Variants in ANXA4 observed in about 807,000 individuals in gnomAD.
ANXA4 encodes 35-beta calcimedin.
In ANXA4, 39 loss-of-function variants were observed where a neutral mutation model predicts 49.8. The ratio of observed to expected loss-of-function variants is 0.78; its 90% confidence interval spans 0.61 to 1.02. The LOEUF (loss-of-function observed/expected upper bound fraction) is 1.02. ANXA4 is among the 50% of genes least tolerant of loss of function. The pLI, the probability that ANXA4 is intolerant of heterozygous loss-of-function variation, is 0.00. For missense variants in ANXA4, 360 were observed against 410.1 expected (o/e 0.88, Z 1.05); for synonymous variants, 134 against 152.5 (o/e 0.88, Z 0.89).
At chr2:69,677,868 C>G (rs1326105638) in intron 2 of ANXA4, among the ~76,000 whole-genome samples, 1 of 152,252 alleles carries the variant, frequency 6.6e-6, no homozygotes, top group Non-Finnish European at 1.5e-5. Flanking sequence ...AAATTAACCT[C>G]TGAGCATCTC....
At chr2:69,677,295 T>A (rs1677446196) in intron 2 of ANXA4, among the ~76,000 whole-genome samples, 3 of 152,146 alleles carry the variant, frequency 2.0e-5, no homozygotes, top group Non-Finnish European at 4.4e-5. Flanking sequence ...CAATGGCCCA[T>A]CTTGGCTCAC....
chr2:69,701,340 A>C (rs1211984527), intron 2 of ANXA4, among the ~76,000 whole-genome samples: 1 of 151,996 alleles, frequency 6.6e-6, no homozygotes, highest in Non-Finnish European at 1.5e-5. Flanking sequence ...CTCTATACCC[A>C]TTCAACATGA....
chr2:69,781,344 C>A, intron 1 of ANXA4, 176 bp from the exon 2 acceptor site: 1 of 599,314 alleles, frequency 1.7e-6, no homozygotes, highest in South Asian at 2.1e-5. Context: ...CTTTTTTTAA[C>A]AGTTTCTCTA....
At chr2:69,814,787 TGTGTGTGA>T (rs747265442) in intron 8 of ANXA4, 3,852 of 92,210 alleles carry the variant, frequency 0.042, 92 homozygotes, top group East Asian at 0.12. Flanking sequence ...TGTGTGTGTG[TGTGTGTGA>T]GAGAAAGAGA....
chr2:69,666,381 A>G (rs983652672), intron 2 of ANXA4, among the ~76,000 whole-genome samples: 5 of 152,214 alleles, frequency 3.3e-5, no homozygotes, highest in Non-Finnish European at 7.3e-5. Context: ...ACTTTCATAC[A>G]ATGCTGGTAG....
At chr2:69,757,293 T>C (rs35937123) in intron 1 of ANXA4, among the ~76,000 whole-genome samples, 23 of 107,078 alleles carry the variant, frequency 2.1e-4, no homozygotes, top group African/African-American at 7.8e-4. Context: ...TTTTTTTAGG[T>C]GGAGTCTCGC....
At chr2:69,779,478 A>G (rs547330591) in intron 1 of ANXA4, among the ~76,000 whole-genome samples, 1 of 152,228 alleles carries the variant, frequency 6.6e-6, no homozygotes, top group Admixed American at 6.5e-5. Flanking sequence ...TCTTCCTTCC[A>G]GACATCCCCC....
chr2:69,727,715 T>G lies in ANXA4; in HGVS notation n.864+6844T>G, dbSNP rs183047680. On this transcript the variant is annotated intron_variant and non_coding_transcript_variant, in intron 3 of 3. Transcript: ENST00000418066. Reference sequence around the variant, plus strand: ...AATCTTGTGTTTCCTTCATCTGGCTTGATATCTCGATATCTTACATAACTG... The same window carrying G: ...AATCTTGTGTTTCCTTCATCTGGCTGGATATCTCGATATCTTACATAACTG... Among the ~76,000 whole-genome samples the G allele has an allele frequency of 3.1e-3, 466 of 152,364 alleles. 5 individuals are homozygous for G. Among genetic ancestry groups the G allele is most frequent in the Admixed American group, 8.8e-3 (135 of 15,302 alleles).
At chr2:69,800,604 T>C (rs1236749099) in intron 3 of ANXA4, among the ~76,000 whole-genome samples, 1 of 152,118 alleles carries the variant, frequency 6.6e-6, no homozygotes, top group African/African-American at 2.4e-5. Context: ...ACATTTCACT[T>C]GGGGGCATCG....
chr2:69,675,025 C>G (rs1321246141), intron 2 of ANXA4, among the ~76,000 whole-genome samples: 2 of 150,976 alleles, frequency 1.3e-5, no homozygotes, highest in Non-Finnish European at 1.5e-5. Flanking sequence ...CGGGTTCAAG[C>G]GATTCTCCTG....
intron 1 of ANXA4, among the ~76,000 whole-genome samples, chr2:69,777,377 G>A (rs1672000266): frequency 6.6e-6 from 1 of 152,098 alleles, no homozygotes; most frequent in Admixed American, 6.5e-5. Flanking sequence ...TGTTTACCAG[G>A]GCAACCAGCC....
chr2:69,801,433 C>T (rs770649934), intron 3 of ANXA4, among the ~76,000 whole-genome samples: 3 of 150,704 alleles, frequency 2.0e-5, no homozygotes, highest in Admixed American at 6.6e-5. Context: ...GATGGGGCCT[C>T]GCTCTGTCAC....
intron 1 of ANXA4, among the ~76,000 whole-genome samples, chr2:69,756,346 T>C (rs1046704057): frequency 2.0e-5 from 3 of 152,194 alleles, no homozygotes; most frequent in African/African-American, 7.2e-5. Flanking sequence ...AGTCACATAG[T>C]CAGCTAGTTA....
At chr2:69,677,271 C>T (rs1265642801) in intron 2 of ANXA4, among the ~76,000 whole-genome samples, 3 of 152,096 alleles carry the variant, frequency 2.0e-5, no homozygotes, top group Non-Finnish European at 4.4e-5. Context: ...CACTCTGTTG[C>T]CCAGACTGGA....
chr2:69,822,342 G>A (rs988833427), intron 12 of ANXA4, among the ~76,000 whole-genome samples: 2 of 151,946 alleles, frequency 1.3e-5, no homozygotes, highest in Non-Finnish European at 2.9e-5. Flanking sequence ...TCCAGCCTGA[G>A]TAAAGACCCA....
At chr2:69,681,685 C>G (rs539798135) in intron 2 of ANXA4, among the ~76,000 whole-genome samples, 1 of 152,260 alleles carries the variant, frequency 6.6e-6, no homozygotes, top group South Asian at 2.1e-4. Context: ...GTTAGTCTAG[C>G]TAGCGATTTA....
chr2:69,759,361 T>C (rs151078857), intron 1 of ANXA4, among the ~76,000 whole-genome samples: 90 of 152,308 alleles, frequency 5.9e-4, no homozygotes, highest in African/African-American at 2.0e-3. Flanking sequence ...AGAAAGTAGA[T>C]GGTAAGTTTA....
intron 2 of ANXA4, among the ~76,000 whole-genome samples, chr2:69,719,768 CAAAAATCATTAGTT>C (rs1669769163): frequency 6.6e-6 from 1 of 151,962 alleles, no homozygotes; most frequent in African/African-American, 2.4e-5. Flanking sequence ...ATTAATTATA[CAAAAATCATTAGTT>C]AAAAATCATT....
At chr2:69,656,807 C>T (rs1676518491) in intron 2 of ANXA4, among the ~76,000 whole-genome samples, 1 of 151,896 alleles carries the variant, frequency 6.6e-6, no homozygotes, top group African/African-American at 2.4e-5. Flanking sequence ...GCCTCAGTCT[C>T]CTCAAGTGCT....
Sources: allele counts gnomAD v4.1 joint callset (sites outside exome capture counted in the v4.1 genomes callset), GRCh38; gene constraint gnomAD v4.1.1; transcripts MANE v1.5; gene names NCBI Gene and HGNC (gene_info 2026-07-23, HGNC 2026-07-21).